Variants in CNOT2 observed in about 807,000 individuals in gnomAD.
CNOT2 encodes the protein CCR4-NOT transcription complex subunit 2.
A neutral mutation model predicts 72.1 loss-of-function variants in CNOT2; 7 were observed. That is an observed-to-expected ratio of 0.10 (90% CI 0.06 to 0.18). The LOEUF is 0.18. CNOT2 is among the 10% of genes least tolerant of loss of function. CNOT2 has a pLI of 1.00. For synonymous variants in CNOT2, 196 were observed against 225.6 expected (o/e 0.87, Z 1.17); for missense variants, 345 against 660.3 (o/e 0.52, Z 5.23).
At chr12:70,302,600 A>T (rs1191579358) in intron 2 of CNOT2, among the ~76,000 whole-genome samples, 15 of 151,944 alleles carry the variant, frequency 9.9e-5, no homozygotes, top group Non-Finnish European at 1.8e-4. Context: ...ATAATTTCTG[A>T]TCTTTTACAT....
intron 2 of CNOT2, among the ~76,000 whole-genome samples, chr12:70,297,261 G>A (rs1048976513): frequency 2.0e-5 from 3 of 152,232 alleles, no homozygotes; most frequent in African/African-American, 7.2e-5. Context: ...AACAGTGCCT[G>A]AGAAACACTT....
chr12:70,305,693 A>T (rs1875167108), intron 2 of CNOT2, among the ~76,000 whole-genome samples: 1 of 152,086 alleles, frequency 6.6e-6, no homozygotes, highest in African/African-American at 2.4e-5. Flanking sequence ...GGGTTCTAAG[A>T]TAGTTAGTGC....
intron 11 of CNOT2, among the ~76,000 whole-genome samples, chr12:70,340,551 G>C (rs919819132): frequency 1.4e-4 from 21 of 152,076 alleles, no homozygotes; most frequent in African/African-American, 4.8e-4. Flanking sequence ...TCTGTCTACA[G>C]CCTTTCCAAT....
At chr12:70,247,285 C>T (rs1376289412) in intron 1 of CNOT2, among the ~76,000 whole-genome samples, 2 of 151,802 alleles carry the variant, frequency 1.3e-5, no homozygotes, top group Non-Finnish European at 2.9e-5. Context: ...CTGCCTCAGC[C>T]TCCTGAGTAG....
At chr12:70,344,252 C>CT (rs761178225) in intron 14 of CNOT2, 24 bp downstream of exon 14, 20 of 1,436,354 alleles carry the variant, frequency 1.4e-5, no homozygotes, top group Non-Finnish European at 6.9e-6. Flanking sequence ...ATTTTAATCA[C>CT]TTTTGTATTA....
At chr12:70,250,637 TTAAG>T (rs929489671) in intron 1 of CNOT2, among the ~76,000 whole-genome samples, 8 of 151,864 alleles carry the variant, frequency 5.3e-5, no homozygotes, top group African/African-American at 1.7e-4. Flanking sequence ...GGAAAAAAGA[TTAAG>T]TAGGGTGATG....
chr12:70,256,595 A>G (rs2066213969), intron 1 of CNOT2, among the ~76,000 whole-genome samples: 1 of 151,428 alleles, frequency 6.6e-6, no homozygotes, highest in Admixed American at 6.6e-5. Flanking sequence ...AAAAAAAAAA[A>G]AAAAAAAAGT....
intron 1 of CNOT2, among the ~76,000 whole-genome samples, chr12:70,246,503 G>A (rs150885273): frequency 3.9e-5 from 6 of 152,290 alleles, no homozygotes; most frequent in African/African-American, 1.4e-4. Context: ...ATTACATACA[G>A]TGTTAATCAA....
intron 11 of CNOT2, among the ~76,000 whole-genome samples, chr12:70,340,889 C>CTTTTTT (rs55884675): frequency 3.5e-5 from 3 of 85,664 alleles, no homozygotes; most frequent in African/African-American, 5.2e-5. Flanking sequence ...AACCCCAAAT[C>CTTTTTT]TTTTTTTTTT....
chr12:70,323,428 C>T (rs182163241), intron 4 of CNOT2: 16 of 151,618 alleles, frequency 1.1e-4, no homozygotes, highest in African/African-American at 2.9e-4. Context: ...ATAAGAAGTT[C>T]GAGGTTATTT....
intron 11 of CNOT2, among the ~76,000 whole-genome samples, chr12:70,340,919 G>A (rs943851213): frequency 3.2e-5 from 4 of 124,914 alleles, no homozygotes; most frequent in Non-Finnish European, 4.8e-5. Context: ...TTTTGAGACA[G>A]AGTATTGCTC....
chr12:70,332,825 A>G lies in CNOT2; in HGVS notation c.628A>G (p.Ser210Gly), dbSNP rs1880149572. The G allele has an allele frequency of 6.2e-7, 1 of 1,605,608 alleles. No individual in the cohort carries two copies. Residue 210 changes from serine (S) to glycine (G), a missense_variant, in exon 7 of 16, where the codon AGT (serine) becomes GGT (glycine). Physicochemically the swap from Ser to Gly is moderately conservative, Grantham distance 56 (BLOSUM62 0). Coordinates refer to ENST00000229195, the MANE Select transcript of CNOT2 (RefSeq NM_014515.7). ...ATTTGGAATGAATAACTCCTTATCA[A>G]GTAACATTTTTAATGGAACAGGTAA... is the stretch of plus-strand genomic sequence containing the variant. ...QAFGMNNSLS[S>G]NIFNGTDGSE...
At chr12:70,287,651 A>G (rs1199825869) in intron 2 of CNOT2, among the ~76,000 whole-genome samples, 6 of 150,100 alleles carry the variant, frequency 4.0e-5, no homozygotes, top group Non-Finnish European at 8.9e-5. Context: ...ATGTATCCAT[A>G]TAATCATTTA....
At chr12:70,332,243 C>CAG (rs1441467831) in intron 6 of CNOT2, among the ~76,000 whole-genome samples, 1 of 151,654 alleles carries the variant, frequency 6.6e-6, no homozygotes, top group Non-Finnish European at 1.5e-5. Flanking sequence ...GCAGAAGACA[C>CAG]AGAGAGGAGT....
chr12:70,253,342 A>G (rs1194079376), intron 1 of CNOT2, among the ~76,000 whole-genome samples: 1 of 152,204 alleles, frequency 6.6e-6, no homozygotes, highest in Non-Finnish European at 1.5e-5. Context: ...AGGTTTAAAT[A>G]TGACCCTGTA....
chr12:70,252,870 T>G (rs1039967579), intron 1 of CNOT2, among the ~76,000 whole-genome samples: 2 of 152,214 alleles, frequency 1.3e-5, no homozygotes, highest in African/African-American at 4.8e-5. Flanking sequence ...TTGTTCGTGT[T>G]CGTTTTGGAG....
intron 13 of CNOT2, chr12:70,343,908 T>C: frequency 2.4e-6 from 1 of 410,098 alleles, no homozygotes; most frequent in Non-Finnish European, 4.3e-6. Context: ...ATCAATTAGA[T>C]GTATCAGAAA....
intron 1 of CNOT2, among the ~76,000 whole-genome samples, chr12:70,260,956 A>T (rs2870880): frequency 0.54 from 82,459 of 151,454 alleles, 23,232 homozygotes; most frequent in East Asian, 0.94. Context: ...ATCTCTGATC[A>T]TATAAGGAAA....
At chr12:70,311,674 A>G (rs1207663052) in intron 3 of CNOT2, among the ~76,000 whole-genome samples, 2 of 152,060 alleles carry the variant, frequency 1.3e-5, no homozygotes, top group Non-Finnish European at 2.9e-5. Flanking sequence ...TGTAATTACT[A>G]AAATTCTGTT....
Sources: allele counts gnomAD v4.1 joint callset (sites outside exome capture counted in the v4.1 genomes callset), GRCh38; gene constraint gnomAD v4.1.1; transcripts MANE v1.5; gene names NCBI Gene and HGNC (gene_info 2026-07-23, HGNC 2026-07-21).